Variants in MIDEAS observed in about 807,000 individuals in gnomAD.
MIDEAS encodes the protein mitotic deacetylase-associated SANT domain protein.
In MIDEAS, 26 loss-of-function variants were observed where a neutral mutation model predicts 102.7. That is an observed-to-expected ratio of 0.25 (90% CI 0.19 to 0.35). MIDEAS has a LOEUF of 0.35. Ranked by LOEUF, MIDEAS falls within the 10% of genes least tolerant of loss-of-function variation. The pLI is 1.00. For synonymous variants in MIDEAS, 585 were observed against 591.0 expected (o/e 0.99, Z 0.15); for missense variants, 1,231 against 1,435.6 (o/e 0.86, Z 2.30).
chr14:73,721,584 G>A (rs915738566), intron 10 of MIDEAS, 75 bp from the exon 11 acceptor site: 200 of 1,413,124 alleles, frequency 1.4e-4, no homozygotes, highest in Middle Eastern at 5.3e-4. Context: ...TGACCCGGCC[G>A]GGGGGTTCAC....
chr14:73,779,570 A>ATTTTTTTT (rs774103102), intron 1 of MIDEAS, among the ~76,000 whole-genome samples: 1 of 60,170 alleles, frequency 1.7e-5, no homozygotes, highest in African/African-American at 5.6e-5. Context: ...TATTATTATT[A>ATTTTTTTT]TTATTTTTTT....
chr14:73,787,177 T>C (rs1248995502), exon 1 of MIDEAS: 2 of 149,170 alleles, frequency 1.3e-5, no homozygotes, highest in Non-Finnish European at 3.0e-5. Flanking sequence ...CTAACTTTGT[T>C]GCTCTCGGGA....
Position 73,749,085 on chromosome 14 carries a change from A to T in MIDEAS, c.-247-8830T>A, listed in dbSNP as rs59024084. Among the ~76,000 whole-genome samples, 827 of 152,328 alleles carry T rather than the reference A, an allele frequency of 5.4e-3. 9 individuals carry two copies. The highest frequency in any genetic ancestry group is 0.019 in the African/African-American group (785 of 41,572). On this transcript the variant is annotated intron_variant, in intron 1 of 12. Transcript: ENST00000423556. ...AACAGTACGACTAAATAGAAGATCGACAAGGAAATAGAAGATTTAGACACT... is the reference window on the plus strand; with the variant it reads ...AACAGTACGACTAAATAGAAGATCGTCAAGGAAATAGAAGATTTAGACACT...
intron 7 of MIDEAS, 55 bp from the exon 8 acceptor site, chr14:73,726,163 C>A: frequency 7.1e-7 from 1 of 1,400,278 alleles, no homozygotes; most frequent in South Asian, 1.2e-5. Flanking sequence ...CGGTGGTGGA[C>A]GGAGCATTCT....
chr14:73,735,643 G>A (rs1167220242), intron 3 of MIDEAS, among the ~76,000 whole-genome samples: 1 of 152,242 alleles, frequency 6.6e-6, no homozygotes, highest in Non-Finnish European at 1.5e-5. Flanking sequence ...AGTAAATGAT[G>A]GGAGAAGATG....
chr14:73,729,930 T>C lies in MIDEAS; in HGVS notation c.1805A>G (p.Gln602Arg). The stretch of plus-strand genomic sequence containing the variant: ...GATGAGGGGCTCGGGCCTGGGCCGC[T>C]GCTTTGGTTTCCGCACGGAAGGCTC... ...EGEPSVRKPKQRPRPEPLIIP... is the reference protein window; with the variant it reads ...EGEPSVRKPKRRPRPEPLIIP... Residue 602 changes from glutamine (Q) to arginine (R), a missense_variant, in exon 4 of 13, where the codon CAG (glutamine) becomes CGG (arginine). Physicochemically the swap from Gln to Arg is conservative, Grantham distance 43. Transcript: ENST00000423556. The C allele has an allele frequency of 1.2e-6, 2 of 1,606,772 alleles. No individual in the cohort carries two copies. The highest frequency in any genetic ancestry group is 1.7e-6 in the Non-Finnish European group (2 of 1,174,758).
At chr14:73,741,333 T>C (rs1207611506) in intron 1 of MIDEAS, among the ~76,000 whole-genome samples, 3 of 152,208 alleles carry the variant, frequency 2.0e-5, no homozygotes, top group Non-Finnish European at 2.9e-5. Context: ...TTTCAAGACT[T>C]TTCTTTCCCT....
chr14:73,756,316 A>T (rs1472791438), intron 1 of MIDEAS, among the ~76,000 whole-genome samples: 1 of 141,664 alleles, frequency 7.1e-6, no homozygotes, highest in African/African-American at 2.7e-5. Flanking sequence ...GTGCGCGCTG[A>T]GGTGGAGGGA....
rs933457803 is a variant in MIDEAS, at chr14:73,716,519, A to AG, written c.*2323_*2324insC. The AG allele has an allele frequency of 6.6e-6, 1 of 151,910 alleles. No individual in the cohort carries two copies. Among genetic ancestry groups the AG allele is most frequent in the African/African-American group, 2.4e-5 (1 of 41,354 alleles). 9.4% of individuals were successfully genotyped at this position (151,910 alleles called of 1,614,324 possible). A position where few individuals can be genotyped will look rare whatever the true frequency, so the allele number is the denominator to read the frequency against. ...GCGAAACCCTGTCTCTACTAAAAAA[A>AG]AAAATACAAAAAGATTAGCTGGGTG... On this transcript the variant is annotated 3_prime_UTR_variant, in exon 13 of 13. Coordinates refer to ENST00000423556, the MANE Select transcript of MIDEAS (RefSeq NM_001367710.1).
At chr14:73,719,216 A>G in intron 12 of MIDEAS, 89 bp downstream of exon 12, 1 of 1,481,220 alleles carries the variant, frequency 6.8e-7, no homozygotes, top group Non-Finnish European at 9.0e-7. Context: ...CACCGCCTGT[A>G]CCTCTTCCCC....
chr14:73,751,582 T>C (rs2053420634), intron 1 of MIDEAS, among the ~76,000 whole-genome samples: 1 of 152,140 alleles, frequency 6.6e-6, no homozygotes, highest in South Asian at 2.1e-4. Context: ...ACCCCACAAC[T>C]GAGGTTAGCC....
At chr14:73,783,951 G>C (rs954921788) in intron 1 of MIDEAS, among the ~76,000 whole-genome samples, 1 of 152,300 alleles carries the variant, frequency 6.6e-6, no homozygotes, top group African/African-American at 2.4e-5. Context: ...GGGGCAGCTA[G>C]GAAGGGGCAG....
intron 1 of MIDEAS, among the ~76,000 whole-genome samples, chr14:73,757,634 C>A (rs2053501392): frequency 6.6e-6 from 1 of 152,212 alleles, no homozygotes. Context: ...AAGTTTTCTT[C>A]TGGGAGACCC....
intron 1 of MIDEAS, among the ~76,000 whole-genome samples, chr14:73,776,868 CAAGA>C (rs2053693730): frequency 6.6e-6 from 1 of 151,904 alleles, no homozygotes; most frequent in Non-Finnish European, 1.5e-5. Flanking sequence ...GTCAGGAGTT[CAAGA>C]CCAGCCTGGC....
chr14:73,784,852 G>T lies in MIDEAS; in HGVS notation c.-248+2250C>A, dbSNP rs1360973889. 3.3e-5 allele frequency among the ~76,000 whole-genome samples: 5 copies of T among 152,298 alleles called. No individual in the cohort carries two copies. The East Asian group carries it at 9.6e-4, about 29-fold the overall frequency. Reference sequence around the variant, plus strand: ...AGAACTGTCCTGATTTTACATGTTTGTCCTCGAGTTTCTGGAAGCACACAG... The same window carrying T: ...AGAACTGTCCTGATTTTACATGTTTTTCCTCGAGTTTCTGGAAGCACACAG... On this transcript the variant is annotated intron_variant, in intron 1 of 11. Coordinates refer to the MIDEAS transcript ENST00000394071.
chr14:73,739,332 T>C lies in MIDEAS; in HGVS notation c.677A>G (p.Asn226Ser), dbSNP rs757114840. ...PFQLAFGHQV[N>S]RQVFRQGPPP... The stretch of plus-strand genomic sequence containing the variant: ...TGGGCCCTGCCGGAAGACCTGCCGG[T>C]TCACCTGGTGGCCGAATGCCAGCTG... Residue 226 changes from asparagine (N) to serine (S), a missense_variant, in exon 2 of 13, where the codon AAC becomes AGC. Asn to Ser is a conservative substitution (Grantham distance 46). Around this residue, in one of 5 missense-constraint regions of MIDEAS, gnomAD observed 758 missense variants for 856.0 expected, o/e 0.89. Transcript: ENST00000423556. 1.9e-6 allele frequency: 3 copies of C among 1,607,582 alleles called. No homozygotes were observed. The highest frequency in any genetic ancestry group is 2.7e-5 in the African/African-American group (2 of 74,830).
rs573512121 is a variant in MIDEAS at position 73,779,745 on chromosome 14, T to C, written c.-248+7357A>G. Among the ~76,000 whole-genome samples, 68 of 140,534 alleles carry C rather than the reference T, an allele frequency of 4.8e-4. 1 individual carries two copies. Among genetic ancestry groups the C allele is most frequent in the Middle Eastern group, 3.6e-3 (1 of 278 alleles). The allele number at this position is 140,534 out of a possible 152,430, so 92.2% of individuals were successfully genotyped here. On this transcript the variant is annotated intron_variant, in intron 1 of 11. Transcript: ENST00000394071. Reference sequence around the variant, plus strand: ...GGCGCCCGCCACCGCGCCCGGCTAATTTTTTGTATTTTTAGTAGAGACGGG... The same window carrying C: ...GGCGCCCGCCACCGCGCCCGGCTAACTTTTTGTATTTTTAGTAGAGACGGG...
rs564092831 is a variant in MIDEAS, at chr14:73,729,496, C to A, written c.2095+144G>T. ...CTCCTTGTTGAACCAGGACAACCTC[C>A]TTCTCAATCTCAGAGAAGACAGAGC... On this transcript the variant is annotated intron_variant, in intron 4 of 12. Transcript: ENST00000423556. 1.2e-4 allele frequency: 82 copies of A among 688,962 alleles called. 2 individuals carry two copies. In the South Asian group the frequency reaches 1.9e-3, roughly 16 times the overall value. The allele number at this position is 688,962 out of a possible 1,614,324, so 42.7% of individuals were successfully genotyped here.
chr14:73,727,084 G>C (rs2053071547), intron 5 of MIDEAS, 112 bp from the exon 6 acceptor site: 1 of 1,356,384 alleles, frequency 7.4e-7, no homozygotes, highest in Non-Finnish European at 1.0e-6. Flanking sequence ...CAAGGCCTCA[G>C]CTAGGTGTAG....
Sources: gnomAD v4.1 joint callset for allele counts (sites outside exome capture counted in the v4.1 genomes callset) on GRCh38, gnomAD v4.1.1 for gene constraint, gnomAD v4.1.1 regional missense constraint, MANE v1.5 for transcripts, NCBI Gene and HGNC (gene_info 2026-07-23, HGNC 2026-07-21) for gene names.